The following MAGI2 variants were observed in gnomAD, a reference collection of about 807,000 sequenced individuals.
The protein encoded by MAGI2 is membrane associated guanylate kinase, WW and PDZ domain containing 2, also known as membrane-associated guanylate kinase, WW and PDZ domain-containing protein 2.
In MAGI2, 35 loss-of-function variants were observed where a neutral mutation model predicts 133.3. The observed-to-expected ratio is 0.26, with a 90% confidence interval of 0.20 to 0.35. The LOEUF is 0.35. Among genes scored for constraint, MAGI2 ranks in the 10% least tolerant of loss-of-function variants. MAGI2 has a pLI of 1.00. For missense variants in MAGI2, 1,636 were observed against 1,863.4 expected, an observed-to-expected ratio of 0.88 and a Z score of 2.25; for synonymous variants, 729 against 710.6, an observed-to-expected ratio of 1.03 and a Z score of -0.41.
chr7:78,850,951 T>G (rs1793075250), intron 2 of MAGI2, among the ~76,000 whole-genome samples: 1 of 152,122 alleles, frequency 6.6e-6, no homozygotes, highest in Admixed American at 6.6e-5. Context: ...TTCACTATAT[T>G]TTAAACATAA....
chr7:79,263,205 A>C (rs565111457), intron 1 of MAGI2, among the ~76,000 whole-genome samples: 1 of 152,208 alleles, frequency 6.6e-6, no homozygotes, highest in Non-Finnish European at 1.5e-5. Context: ...ACACCTAATT[A>C]TTAATAAGGT....
chr7:78,386,098 C>T (rs1182047409), intron 6 of MAGI2, among the ~76,000 whole-genome samples: 4 of 152,172 alleles, frequency 2.6e-5, no homozygotes, highest in South Asian at 4.2e-4. Flanking sequence ...ACCTCTGCAG[C>T]ATTCCTGGGC....
chr7:78,168,028 A>G lies in MAGI2; in HGVS notation c.2484T>C (p.Val828=). ...TTTTGCCGGCTACTGGAATCCCATCAACATACACAAGCTCATCTCCTGGGT... is the reference window on the plus strand; with the variant it reads ...TTTTGCCGGCTACTGGAATCCCATCGACATACACAAGCTCATCTCCTGGGT... ...RLHPGDELVY[V]DGIPVAGKTH... The change falls in exon 15 of 22, where the codon GTT becomes GTC. Residue 828 remains valine, a synonymous_variant. Transcript: ENST00000354212. The G allele has an allele frequency of 6.2e-7, 1 of 1,614,164 alleles. No individual in the cohort carries two copies. Among genetic ancestry groups the G allele is most frequent in the Non-Finnish European group, 8.5e-7 (1 of 1,180,008 alleles).
intron 1 of MAGI2, among the ~76,000 whole-genome samples, chr7:79,054,100 G>T (rs1812922763): frequency 6.6e-6 from 1 of 152,134 alleles, no homozygotes; most frequent in African/African-American, 2.4e-5. Context: ...GGAGGCTGAG[G>T]AGGGAGAATC....
intron 2 of MAGI2, among the ~76,000 whole-genome samples, chr7:78,920,364 A>C (rs1203788879): frequency 2.0e-5 from 3 of 152,188 alleles, no homozygotes; most frequent in Non-Finnish European, 2.9e-5. Context: ...TTTCTTGAAC[A>C]TGGTGAGTAC....
intron 15 of MAGI2, among the ~76,000 whole-genome samples, chr7:78,161,695 A>G (rs898259967): frequency 6.6e-6 from 1 of 151,008 alleles, no homozygotes; most frequent in African/African-American, 2.4e-5. Flanking sequence ...AAAGAAAAAA[A>G]AAAAGCTGTA....
chr7:78,426,959 C>T (rs112229329), intron 6 of MAGI2, among the ~76,000 whole-genome samples: 1 of 152,110 alleles, frequency 6.6e-6, no homozygotes, highest in Non-Finnish European at 1.5e-5. Flanking sequence ...CATATGACAA[C>T]AGTAGCACAA....
chr7:79,390,589 T>C (rs1282431994), intron 1 of MAGI2, among the ~76,000 whole-genome samples: 3 of 152,016 alleles, frequency 2.0e-5, no homozygotes, highest in African/African-American at 7.2e-5. Context: ...AGGTAGAGTG[T>C]TGAGTTTCGA....
intron 10 of MAGI2, among the ~76,000 whole-genome samples, chr7:78,247,587 A>T (rs1791932931): frequency 6.6e-6 from 1 of 152,240 alleles, no homozygotes; most frequent in African/African-American, 2.4e-5. Context: ...GAAATTTAAC[A>T]AAGAGATGGA....
chr7:78,222,255 T>C (rs1469038268), intron 10 of MAGI2, among the ~76,000 whole-genome samples: 2 of 152,218 alleles, frequency 1.3e-5, no homozygotes, highest in Non-Finnish European at 2.9e-5. Flanking sequence ...AAATTGATGT[T>C]GATTTTTCTC....
At chr7:78,072,657 C>T in intron 21 of MAGI2, 1 of 363,960 alleles carries the variant, frequency 2.7e-6, no homozygotes, top group Non-Finnish European at 4.9e-6. Context: ...ATTATAATGG[C>T]ATACTTATAA....
chr7:79,414,540 T>C (rs912903137), intron 1 of MAGI2: 1 of 152,116 alleles, frequency 6.6e-6, no homozygotes, highest in African/African-American at 2.4e-5. Flanking sequence ...TTCTGAAACC[T>C]TCCAGCCATT....
chr7:78,337,220 C>T (rs1017860016), intron 9 of MAGI2, among the ~76,000 whole-genome samples: 1 of 152,176 alleles, frequency 6.6e-6, no homozygotes, highest in Non-Finnish European at 1.5e-5. Flanking sequence ...GTGTAGAATA[C>T]TTAATAACCA....
intron 1 of MAGI2, among the ~76,000 whole-genome samples, chr7:79,141,427 T>G (rs1379392213): frequency 6.6e-6 from 1 of 152,164 alleles, no homozygotes; most frequent in Non-Finnish European, 1.5e-5. Flanking sequence ...CCTCACCACC[T>G]CATACATGTA....
intron 3 of MAGI2, among the ~76,000 whole-genome samples, chr7:78,584,759 C>G (rs936350896): frequency 1.3e-5 from 2 of 152,164 alleles, no homozygotes; most frequent in South Asian, 2.1e-4. Context: ...AGTGCCTGGG[C>G]TTCGGATATC....
At chr7:79,055,885 T>C (rs190533963) in intron 1 of MAGI2, among the ~76,000 whole-genome samples, 9 of 152,290 alleles carry the variant, frequency 5.9e-5, no homozygotes, top group Non-Finnish European at 1.2e-4. Context: ...TGCCACCTAA[T>C]GAGAGTGACA....
At chr7:79,272,604 G>T (rs1436980603) in intron 1 of MAGI2, among the ~76,000 whole-genome samples, 4 of 152,022 alleles carry the variant, frequency 2.6e-5, no homozygotes, top group Non-Finnish European at 5.9e-5. Context: ...ACAATGCAAT[G>T]CACTGAGCCC....
Position 78,921,467 on chromosome 7 carries a change from G to A in MAGI2, c.418+85623C>T, listed in dbSNP as rs544578075. On this transcript the variant is annotated intron_variant, in intron 2 of 21. Transcript: ENST00000354212. ...TCTGCACTTTAAATACGGCTCTTCT[G>A]TAGATTGTGATATAAGTGGCCTTTG... Among the ~76,000 whole-genome samples, 8 of 152,174 alleles carry A rather than the reference G, an allele frequency of 5.3e-5. No individual in the cohort carries two copies. The South Asian group carries it at 1.7e-3, about 32-fold the overall frequency.
intron 3 of MAGI2, among the ~76,000 whole-genome samples, chr7:78,571,856 T>A (rs956355902): frequency 6.6e-6 from 1 of 152,188 alleles, no homozygotes; most frequent in Admixed American, 6.5e-5. Flanking sequence ...CCTGGAAATT[T>A]TTCTAAGAAT....
Sources: gnomAD v4.1 joint callset for allele counts (sites outside exome capture counted in the v4.1 genomes callset) on GRCh38, gnomAD v4.1.1 for gene constraint, MANE v1.5 for transcripts, NCBI Gene and HGNC (gene_info 2026-07-23, HGNC 2026-07-21) for gene names.